PDE4D: variants seen among roughly 807,000 people sequenced by gnomAD.
The protein encoded by PDE4D is phosphodiesterase 4D.
Under a neutral mutation model 87.4 loss-of-function variants are expected in PDE4D, and 24 were observed. The observed-to-expected ratio is 0.27, with a 90% CI of 0.20 to 0.39. The LOEUF is 0.39. PDE4D is among the 10% of genes least tolerant of loss of function. The probability of loss-of-function intolerance (pLI) is 1.00; values close to 1 mark genes in which losing one functional copy is unlikely to be tolerated. For missense variants in PDE4D, 714 were observed against 1,041.0 expected (o/e 0.69, Z 4.32); for synonymous variants, 384 against 383.2 (o/e 1.00, Z -0.02).
At chr5:59,090,243 G>T (rs935220548) in intron 5 of PDE4D, among the ~76,000 whole-genome samples, 3 of 152,060 alleles carry the variant, frequency 2.0e-5, no homozygotes, top group African/African-American at 7.2e-5. Flanking sequence ...TCATGTTCTA[G>T]CCAGTTGCTA....
At chr5:59,820,006 C>A (rs763807911) in intron 1 of PDE4D, among the ~76,000 whole-genome samples, 1 of 152,156 alleles carries the variant, frequency 6.6e-6, no homozygotes, top group Non-Finnish European at 1.5e-5. Context: ...GTCATTTGAC[C>A]TTGAACAGCC....
intron 2 of PDE4D, among the ~76,000 whole-genome samples, chr5:60,089,853 GAAATACAAAAA>G (rs1258860164): frequency 2.0e-5 from 3 of 147,432 alleles, no homozygotes; most frequent in Non-Finnish European, 4.5e-5. Context: ...TGATACTACA[GAAATACAAAAA>G]AAAAAGCAAC....
At chr5:59,180,757 G>T in intron 4 of PDE4D, 113 bp from the exon 5 acceptor site, 2 of 1,016,300 alleles carry the variant, frequency 2.0e-6, no homozygotes, top group Non-Finnish European at 3.0e-6. Flanking sequence ...TTTTAAGTTT[G>T]GACACGCAAA....
At chr5:59,200,222 TATAC>T (rs1247052923) in intron 2 of PDE4D, among the ~76,000 whole-genome samples, 2 of 146,514 alleles carry the variant, frequency 1.4e-5, no homozygotes, top group Non-Finnish European at 3.0e-5. Flanking sequence ...CACGTGTATG[TATAC>T]ATACATATGT....
At chr5:59,817,159 G>A (rs751396082) in intron 1 of PDE4D, among the ~76,000 whole-genome samples, 7 of 152,188 alleles carry the variant, frequency 4.6e-5, no homozygotes, top group East Asian at 1.9e-4. Flanking sequence ...CCCAGCTGAC[G>A]GAAACGTGAA....
intron 6 of PDE4D, among the ~76,000 whole-genome samples, chr5:59,029,333 C>T (rs1332829037): frequency 4.9e-5 from 7 of 141,466 alleles, no homozygotes; most frequent in East Asian, 2.1e-4. Context: ...AGGAGAACGG[C>T]GTGAACCTGG....
chr5:59,933,683 T>C (rs1207995454), intron 3 of PDE4D, among the ~76,000 whole-genome samples: 1 of 152,088 alleles, frequency 6.6e-6, no homozygotes. Flanking sequence ...GGAATTGAAC[T>C]CTCTTTTCTT....
intron 1 of PDE4D, among the ~76,000 whole-genome samples, chr5:59,302,539 TCCC>T (rs1361626185): frequency 1.4e-5 from 2 of 142,762 alleles, no homozygotes; most frequent in Non-Finnish European, 3.1e-5. Flanking sequence ...CTCCCACTCT[TCCC>T]CCCAAGTCCC....
intron 2 of PDE4D, among the ~76,000 whole-genome samples, chr5:60,046,408 A>C (rs1303747926): frequency 2.0e-5 from 3 of 152,284 alleles, no homozygotes; most frequent in African/African-American, 4.8e-5. Context: ...ACTATGTTGA[A>C]TAGGAGGGGT....
chr5:60,293,738 T>C (rs2149778494), intron 1 of PDE4D, among the ~76,000 whole-genome samples: 1 of 152,304 alleles, frequency 6.6e-6, no homozygotes, highest in African/African-American at 2.4e-5. Flanking sequence ...ATTTTGTCTG[T>C]GAGAGTCACT....
At chr5:60,178,545 TGAGCAATGTCTAG>T (rs553434013) in intron 2 of PDE4D, among the ~76,000 whole-genome samples, 109 of 152,294 alleles carry the variant, frequency 7.2e-4, no homozygotes, top group East Asian at 2.7e-3. Context: ...CTACTGTTTC[TGAGCAATGTCTAG>T]GTCTCTTGGT....
intron 2 of PDE4D, among the ~76,000 whole-genome samples, chr5:60,124,498 G>A (rs2149385324): frequency 6.6e-6 from 1 of 151,860 alleles, no homozygotes; most frequent in East Asian, 1.9e-4. Flanking sequence ...ATTTTTCTCT[G>A]CAGCCCCCAT....
chr5:59,308,795 A>G (rs1412658822), intron 1 of PDE4D, among the ~76,000 whole-genome samples: 2 of 151,524 alleles, frequency 1.3e-5, no homozygotes, highest in East Asian at 3.9e-4. Flanking sequence ...ATGGGGAGGA[A>G]CCCTAGAACT....
chr5:59,033,598 A>T (rs1035524898), intron 6 of PDE4D, among the ~76,000 whole-genome samples: 1 of 152,210 alleles, frequency 6.6e-6, no homozygotes, highest in Non-Finnish European at 1.5e-5. Flanking sequence ...TGATAGCTAC[A>T]GTCTATGTAA....
intron 1 of PDE4D, among the ~76,000 whole-genome samples, chr5:59,860,421 A>C (rs1746087047): frequency 6.6e-6 from 1 of 152,106 alleles, no homozygotes; most frequent in African/African-American, 2.4e-5. Flanking sequence ...CATGCACCCC[A>C]CTAAGTGATT....
intron 5 of PDE4D, among the ~76,000 whole-genome samples, chr5:59,054,016 T>C (rs538793161): frequency 6.6e-6 from 1 of 152,190 alleles, no homozygotes; most frequent in Admixed American, 6.5e-5. Context: ...ATTTATTCAA[T>C]GAATAAATTA....
chr5:59,190,943 G>T (rs191366230), intron 3 of PDE4D, among the ~76,000 whole-genome samples: 1 of 152,226 alleles, frequency 6.6e-6, no homozygotes, highest in Non-Finnish European at 1.5e-5. Context: ...AAAATCGGCA[G>T]CCTCTCAAGT....
chr5:59,725,420 T>A (rs1756461437), intron 1 of PDE4D, among the ~76,000 whole-genome samples: 1 of 152,060 alleles, frequency 6.6e-6, no homozygotes, highest in African/African-American at 2.4e-5. Context: ...TGAATATTTT[T>A]AAAGTATAAC....
intron 1 of PDE4D, among the ~76,000 whole-genome samples, chr5:59,753,741 A>G (rs761797318): frequency 1.3e-5 from 2 of 152,228 alleles, no homozygotes; most frequent in African/African-American, 2.4e-5. Flanking sequence ...GACAGTATCA[A>G]CAAAGAGGGA....
Sources: allele counts gnomAD v4.1 joint callset (sites outside exome capture counted in the v4.1 genomes callset), GRCh38; gene constraint gnomAD v4.1.1; transcripts MANE v1.5; gene names NCBI Gene and HGNC (gene_info 2026-07-23, HGNC 2026-07-21).